ANKS1B: variants seen among roughly 807,000 people sequenced by gnomAD.
ANKS1B encodes ankyrin repeat and sterile alpha motif domain-containing protein 1B.
In ANKS1B, 36 loss-of-function variants were observed where a neutral mutation model predicts 148.3. The observed-to-expected ratio is 0.24, with a 90% CI of 0.19 to 0.32. ANKS1B has a LOEUF of 0.32. ANKS1B is among the 10% of genes least tolerant of loss of function. ANKS1B has a pLI of 1.00. For synonymous variants in ANKS1B, 542 were observed against 560.8 expected, an observed-to-expected ratio of 0.97 and a Z score of 0.47; for missense variants, 1,157 against 1,542.6, an observed-to-expected ratio of 0.75 and a Z score of 4.19.
chr12:99,844,295 T>C (rs1259359992), intron 1 of ANKS1B, among the ~76,000 whole-genome samples: 1 of 152,218 alleles, frequency 6.6e-6, no homozygotes, highest in Non-Finnish European at 1.5e-5. Context: ...TTTGGAATTT[T>C]CATCATGAAG....
chr12:99,682,804 G>A (rs1434755731), intron 8 of ANKS1B, among the ~76,000 whole-genome samples: 1 of 151,964 alleles, frequency 6.6e-6, no homozygotes, highest in Non-Finnish European at 1.5e-5. Context: ...AAATACAAAA[G>A]ATAAATGACA....
chr12:98,794,144 C>T (rs1398233507), intron 22 of ANKS1B, among the ~76,000 whole-genome samples: 1 of 152,072 alleles, frequency 6.6e-6, no homozygotes, highest in Non-Finnish European at 1.5e-5. Flanking sequence ...GTAATCCCAG[C>T]ACTTTGGGAG....
chr12:99,387,603 A>AAG (rs2093919573), intron 12 of ANKS1B, among the ~76,000 whole-genome samples: 1 of 151,040 alleles, frequency 6.6e-6, no homozygotes, highest in African/African-American at 2.5e-5. Context: ...CTCAAAAAAA[A>AAG]AAGAAGAAGA....
intron 17 of ANKS1B, among the ~76,000 whole-genome samples, chr12:98,986,994 AT>A (rs1040042045): frequency 7.9e-5 from 12 of 151,880 alleles, no homozygotes; most frequent in African/African-American, 2.9e-4. Context: ...CTTAAGTATA[AT>A]TTTTTTGATG....
At position 99,074,996 on chromosome 12, in the gene ANKS1B, G is replaced by A. The variant is rs189285923; in HGVS notation, c.2625+9929C>T. Among the ~76,000 whole-genome samples, 354 of 152,280 alleles carry A rather than the reference G, an allele frequency of 2.3e-3. 1 individual carries two copies. Among genetic ancestry groups the A allele is most frequent in the African/African-American group, 7.9e-3 (328 of 41,558 alleles). On this transcript the variant is annotated intron_variant, in intron 16 of 26. Transcript: ENST00000683438. ...GAAGGGTTAAATCATCTATCCCAGA[G>A]AGAAGATGTTGTAAAGATTTCTCCA...
intron 9 of ANKS1B, among the ~76,000 whole-genome samples, chr12:99,528,444 CAAA>C (rs1276451213): frequency 8.1e-6 from 1 of 123,552 alleles, no homozygotes; most frequent in African/African-American, 3.1e-5. Context: ...AAAAAAAAAA[CAAA>C]AAAAAAACCA....
Position 99,613,278 on chromosome 12 carries a change from T to C in ANKS1B, c.1272+41789A>G, listed in dbSNP as rs138344928. ...TAGCAGTGTAAATTAGTTCAGCCAT[T>C]GTGGAAGACAGTGTGATGATTTCTC... is the stretch of plus-strand genomic sequence containing the variant. On this transcript the variant is annotated intron_variant, in intron 9 of 26. Transcript: ENST00000683438. Among the ~76,000 whole-genome samples the C allele has an allele frequency of 3.0e-3, 453 of 152,272 alleles. 5 individuals carry two copies. The highest frequency in any genetic ancestry group is 5.4e-3 in the Non-Finnish European group (364 of 68,010).
chr12:99,299,003 A>G (rs2154019013), intron 12 of ANKS1B, among the ~76,000 whole-genome samples: 1 of 151,192 alleles, frequency 6.6e-6, no homozygotes, highest in African/African-American at 2.4e-5. Flanking sequence ...GTCAGTTATT[A>G]TATTATTTGT....
intron 22 of ANKS1B, among the ~76,000 whole-genome samples, chr12:98,784,159 T>G (rs2098765788): frequency 6.6e-6 from 1 of 152,216 alleles, no homozygotes; most frequent in Non-Finnish European, 1.5e-5. Flanking sequence ...CTCAGTTTGA[T>G]AAGCAGGTGG....
At chr12:99,200,112 C>T (rs2081897484) in intron 14 of ANKS1B, among the ~76,000 whole-genome samples, 1 of 152,140 alleles carries the variant, frequency 6.6e-6, no homozygotes, top group African/African-American at 2.4e-5. Flanking sequence ...TTAAGTGAAA[C>T]ATTTCAGTTC....
At chr12:99,121,892 T>A (rs559831989) in intron 15 of ANKS1B, among the ~76,000 whole-genome samples, 1 of 152,214 alleles carries the variant, frequency 6.6e-6, no homozygotes, top group Admixed American at 6.6e-5. Context: ...GGGGACAATG[T>A]CTTTGACCTT....
At chr12:99,513,328 T>C (rs748810145) in intron 9 of ANKS1B, among the ~76,000 whole-genome samples, 5 of 152,096 alleles carry the variant, frequency 3.3e-5, no homozygotes, top group Non-Finnish European at 7.4e-5. Context: ...ATCATGTGAC[T>C]GGCTTTGCTG....
At chr12:99,043,082 TG>T (rs749687369) in intron 17 of ANKS1B, among the ~76,000 whole-genome samples, 11 of 152,236 alleles carry the variant, frequency 7.2e-5, no homozygotes, top group Non-Finnish European at 1.2e-4. Context: ...GGAAATTTTT[TG>T]AGGGTAAAGA....
chr12:99,685,348 G>C (rs2098643387), intron 8 of ANKS1B, among the ~76,000 whole-genome samples: 1 of 152,004 alleles, frequency 6.6e-6, no homozygotes, highest in African/African-American at 2.4e-5. Context: ...CATCACTAAT[G>C]ATCAGGGAAA....
At chr12:99,450,686 C>A (rs2095717382) in intron 10 of ANKS1B, among the ~76,000 whole-genome samples, 1 of 152,204 alleles carries the variant, frequency 6.6e-6, no homozygotes, top group Admixed American at 6.5e-5. Context: ...TTCATTAACT[C>A]TTCCAGACTA....
rs529641855 is a variant in ANKS1B at position 98,819,602 on chromosome 12, G to A, written c.3066+9572C>T. Among the ~76,000 whole-genome samples, 11 of 152,264 alleles carry A rather than the reference G, an allele frequency of 7.2e-5. No individual in the cohort carries two copies. The South Asian group carries it at 2.1e-3, about 29-fold the overall frequency. On this transcript the variant is annotated intron_variant, in intron 19 of 26. Coordinates refer to ENST00000683438, the MANE Select transcript of ANKS1B (RefSeq NM_001352186.2). Reference sequence around the variant, plus strand: ...ATCATGGGGCTGCCTTACAAAGAGCGGGCCAGCTTTCCAGTCAAGTTTAGG... The same window carrying A: ...ATCATGGGGCTGCCTTACAAAGAGCAGGCCAGCTTTCCAGTCAAGTTTAGG...
intron 15 of ANKS1B, among the ~76,000 whole-genome samples, chr12:99,121,323 GTGTGTGT>G: frequency 8.1e-6 from 1 of 123,244 alleles, no homozygotes; most frequent in Admixed American, 8.1e-5. Flanking sequence ...ATGTAGGTAT[GTGTGTGT>G]GTGTGTGTGT....
chr12:99,842,432 G>A (rs142340331), intron 1 of ANKS1B, among the ~76,000 whole-genome samples: 1 of 152,058 alleles, frequency 6.6e-6, no homozygotes, highest in East Asian at 1.9e-4. Flanking sequence ...CTTCTCCTAG[G>A]CCCATCTGTG....
At chr12:99,027,735 G>C (rs2099949612) in intron 17 of ANKS1B, among the ~76,000 whole-genome samples, 1 of 152,204 alleles carries the variant, frequency 6.6e-6, no homozygotes, top group Non-Finnish European at 1.5e-5. Flanking sequence ...TGCATGTCTT[G>C]CATTGACGTT....
Sources: allele counts gnomAD v4.1 joint callset (sites outside exome capture counted in the v4.1 genomes callset), GRCh38; gene constraint gnomAD v4.1.1; transcripts MANE v1.5; gene names NCBI Gene and HGNC (gene_info 2026-07-23, HGNC 2026-07-21).